ASIC2: variants seen among roughly 807,000 people sequenced by gnomAD.
ASIC2 encodes the protein acid sensing ion channel subunit 2.
In ASIC2, 25 loss-of-function variants were observed where a neutral mutation model predicts 57.3. The ratio of observed to expected loss-of-function variants is 0.44; its 90% CI spans 0.32 to 0.61. The LOEUF (loss-of-function observed/expected upper bound fraction) is 0.61, where lower values mean the gene tolerates loss of function less well. ASIC2 is among the 20% of genes least tolerant of loss of function. The probability of loss-of-function intolerance (pLI) is 0.06; values close to 1 mark genes in which losing one functional copy is unlikely to be tolerated. For synonymous variants in ASIC2, 319 were observed against 307.5 expected (o/e 1.04, Z -0.39); for missense variants, 641 against 738.1 (o/e 0.87, Z 1.52).
At chr17:33,465,350 T>A (rs942639016) in intron 1 of ASIC2, among the ~76,000 whole-genome samples, 1 of 150,544 alleles carries the variant, frequency 6.6e-6, no homozygotes, top group African/African-American at 2.4e-5. Flanking sequence ...GATCTTTGAG[T>A]GTGGGCCTTT....
chr17:33,325,251 T>C (rs1344590585), intron 1 of ASIC2, among the ~76,000 whole-genome samples: 1 of 152,064 alleles, frequency 6.6e-6, no homozygotes, highest in Non-Finnish European at 1.5e-5. Flanking sequence ...TGATAACTGA[T>C]AGGGAGAAGG....
At chr17:33,967,715 T>C (rs1905114335) in intron 1 of ASIC2, among the ~76,000 whole-genome samples, 1 of 152,218 alleles carries the variant, frequency 6.6e-6, no homozygotes, top group African/African-American at 2.4e-5. Context: ...CTCGACAGTA[T>C]ATCTGATGCT....
chr17:33,898,951 T>A (rs891079990), intron 1 of ASIC2, among the ~76,000 whole-genome samples: 1 of 152,202 alleles, frequency 6.6e-6, no homozygotes, highest in Non-Finnish European at 1.5e-5. Flanking sequence ...TTAACTCAAC[T>A]TACCCCTTCC....
At chr17:33,640,564 G>A (rs1310328402) in intron 1 of ASIC2, among the ~76,000 whole-genome samples, 4 of 152,166 alleles carry the variant, frequency 2.6e-5, no homozygotes, top group Non-Finnish European at 5.9e-5. Context: ...AAACTAAGTT[G>A]GCACAGAGAC....
intron 1 of ASIC2, among the ~76,000 whole-genome samples, chr17:33,643,212 A>G (rs1479353738): frequency 3.3e-5 from 5 of 151,226 alleles, no homozygotes; most frequent in Non-Finnish European, 5.9e-5. Flanking sequence ...ACATCTTGCC[A>G]TTAATTGGCA....
At chr17:33,831,923 C>T (rs1333737752) in intron 1 of ASIC2, among the ~76,000 whole-genome samples, 2 of 152,180 alleles carry the variant, frequency 1.3e-5, no homozygotes, top group Admixed American at 1.3e-4. Flanking sequence ...AGATCAGCCC[C>T]CATGTCTCTT....
intron 1 of ASIC2, among the ~76,000 whole-genome samples, chr17:33,921,157 G>A (rs575213812): frequency 1.1e-4 from 16 of 152,282 alleles, no homozygotes; most frequent in Non-Finnish European, 2.1e-4. Context: ...GAGTATAATG[G>A]TTGATAGCAT....
At chr17:34,130,865 G>A (rs200460155) in intron 1 of ASIC2, among the ~76,000 whole-genome samples, 2 of 152,266 alleles carry the variant, frequency 1.3e-5, no homozygotes, top group East Asian at 1.9e-4. Flanking sequence ...ATTATTATAC[G>A]GCCACTCTGA....
At chr17:33,937,703 C>T (rs1916097822) in intron 1 of ASIC2, among the ~76,000 whole-genome samples, 1 of 152,178 alleles carries the variant, frequency 6.6e-6, no homozygotes, top group Admixed American at 6.5e-5. Flanking sequence ...CCAGCCCTAT[C>T]CACATTGCCA....
chr17:33,068,673 T>C (rs2092054515), intron 3 of ASIC2, among the ~76,000 whole-genome samples: 1 of 152,242 alleles, frequency 6.6e-6, no homozygotes, highest in Non-Finnish European at 1.5e-5. Context: ...ATATCACCCT[T>C]TGTACACATG....
At chr17:33,020,439 A>G (rs957387345) in intron 7 of ASIC2, among the ~76,000 whole-genome samples, 3 of 152,138 alleles carry the variant, frequency 2.0e-5, no homozygotes, top group Admixed American at 2.0e-4. Flanking sequence ...GCTCAGGGAG[A>G]CAACAGCTAT....
At chr17:34,054,318 T>C (rs914944950) in intron 1 of ASIC2, among the ~76,000 whole-genome samples, 32 of 152,248 alleles carry the variant, frequency 2.1e-4, no homozygotes, top group Admixed American at 5.2e-4. Context: ...TTGATGTCAA[T>C]GAAGTACGTT....
chr17:33,871,051 T>G (rs1914391010), intron 1 of ASIC2, among the ~76,000 whole-genome samples: 1 of 152,186 alleles, frequency 6.6e-6, no homozygotes. Flanking sequence ...TTTCCTTTTG[T>G]GCAAGATGTG....
intron 1 of ASIC2, among the ~76,000 whole-genome samples, chr17:33,268,156 T>A (rs749951085): frequency 6.6e-6 from 1 of 152,142 alleles, no homozygotes; most frequent in Non-Finnish European, 1.5e-5. Context: ...CCCCTGTATA[T>A]CATTTCCTGC....
chr17:33,498,411 G>A (rs994181407), intron 1 of ASIC2, among the ~76,000 whole-genome samples: 2 of 152,236 alleles, frequency 1.3e-5, no homozygotes, highest in Non-Finnish European at 2.9e-5. Context: ...AAGAGCACGG[G>A]AGTTTGGAGG....
At chr17:33,993,902 G>A (rs1906075394) in intron 1 of ASIC2, among the ~76,000 whole-genome samples, 1 of 152,108 alleles carries the variant, frequency 6.6e-6, no homozygotes, top group African/African-American at 2.4e-5. Flanking sequence ...TCTGCCTCTT[G>A]CTTGGCATGT....
intron 1 of ASIC2, among the ~76,000 whole-genome samples, chr17:34,074,827 C>A: frequency 6.7e-6 from 1 of 148,812 alleles, no homozygotes; most frequent in East Asian, 2.0e-4. Flanking sequence ...CCTCAGCCAC[C>A]CAGGCTGCAA....
intron 1 of ASIC2, among the ~76,000 whole-genome samples, chr17:34,117,144 T>C (rs1183458507): frequency 6.6e-6 from 1 of 152,298 alleles, no homozygotes; most frequent in Non-Finnish European, 1.5e-5. Flanking sequence ...TCTGTCAGGA[T>C]TTTTCATTCA....
At chr17:33,050,006 T>C (rs1454715396) in intron 3 of ASIC2, among the ~76,000 whole-genome samples, 1 of 152,128 alleles carries the variant, frequency 6.6e-6, no homozygotes, top group African/African-American at 2.4e-5. Context: ...GTCCCAAGGA[T>C]CAGGGCAAGG....
Sources: allele counts gnomAD v4.1 joint callset (sites outside exome capture counted in the v4.1 genomes callset), GRCh38; gene constraint gnomAD v4.1.1; transcripts MANE v1.5; gene names NCBI Gene and HGNC (gene_info 2026-07-23, HGNC 2026-07-21).